UPRT: variants seen among roughly 807,000 people sequenced by gnomAD.
UPRT encodes RP11-311P8.3.
Under a neutral mutation model 22.6 loss-of-function variants are expected in UPRT, and 5 were observed. The observed-to-expected ratio is 0.22, with a 90% CI of 0.12 to 0.47. The LOEUF (loss-of-function observed/expected upper bound fraction) is 0.47, where lower values mean the gene tolerates loss of function less well. UPRT is among the 20% of genes least tolerant of loss of function. UPRT has a pLI of 0.99. For synonymous variants in UPRT, 77 were observed against 87.7 expected, an observed-to-expected ratio of 0.88 and a Z score of 0.68; for missense variants, 181 against 239.9, an observed-to-expected ratio of 0.75 and a Z score of 1.62.
chrX:75,158,673 TTC>T (rs769477774), intron 1 of UPRT, among the ~76,000 whole-genome samples: 5 of 112,001 alleles, frequency 4.5e-5, no homozygotes, highest in Non-Finnish European at 9.4e-5. Context: ...CACAGTGGTC[TTC>T]TGTTTCTAAA....
chrX:75,211,936 T>C (rs12394196), intron 4 of UPRT, among the ~76,000 whole-genome samples: 3,539 of 110,997 alleles, frequency 0.032, 148 homozygotes, highest in African/African-American at 0.11. Flanking sequence ...AATTCATAGG[T>C]CTGAGTGGGA....
upstream of UPRT, among the ~76,000 whole-genome samples, chrX:75,272,358 G>GTATATATA (rs1569279568): frequency 7.2e-3 from 616 of 85,527 alleles, 30 homozygotes; most frequent in African/African-American, 0.022. Context: ...ATATATATAT[G>GTATATATA]TGTATATATA....
At chrX:75,272,283 T>TAC (rs1569279340), upstream of UPRT, among the ~76,000 whole-genome samples, 5 of 73,755 alleles carry the variant, frequency 6.8e-5, no homozygotes, top group African/African-American at 4.4e-5. Context: ...TATATATATA[T>TAC]ATACACATAT....
chrX:75,272,317 T>C (rs866486235), upstream of UPRT, among the ~76,000 whole-genome samples: 41 of 30,497 alleles, frequency 1.3e-3, 2 homozygotes, highest in African/African-American at 3.0e-3. Context: ...TATGTGTATA[T>C]ATACATATAT....
chrX:75,225,708 G>T (rs368898963), intron 4 of UPRT, among the ~76,000 whole-genome samples: 2 of 111,831 alleles, frequency 1.8e-5, no homozygotes, highest in African/African-American at 6.5e-5. Context: ...AGTTATTCTG[G>T]AAAATGGGTT....
chrX:75,216,881 AGTAGCT>A (rs1021646201), intron 4 of UPRT, among the ~76,000 whole-genome samples: 6 of 111,540 alleles, frequency 5.4e-5, no homozygotes, highest in African/African-American at 2.0e-4. Context: ...CAGCCTCTTG[AGTAGCT>A]GGGACTACAG....
At chrX:75,248,347 T>C (rs1387833554) in intron 4 of UPRT, among the ~76,000 whole-genome samples, 1 of 109,843 alleles carries the variant, frequency 9.1e-6, no homozygotes, top group Non-Finnish European at 1.9e-5. Flanking sequence ...GAATAACCAG[T>C]GTAAAGAAGT....
At chrX:75,180,681 GTTTTTTTTTTTTTGTT>G (rs1384286075) in intron 4 of UPRT, among the ~76,000 whole-genome samples, 20 of 43,902 alleles carry the variant, frequency 4.6e-4, no homozygotes, top group Non-Finnish European at 6.1e-4. Context: ...CCTTTTCTCT[GTTTTTTTTTTTTTGTT>G]TTTTTTTTTT....
At chrX:75,218,369 A>C (rs1379235139) in intron 4 of UPRT, among the ~76,000 whole-genome samples, 7 of 109,051 alleles carry the variant, frequency 6.4e-5, no homozygotes, top group Middle Eastern at 4.3e-3. Flanking sequence ...AGTGGCAATC[A>C]TTAAAAAGTC....
chrX:75,246,831 A>G (rs1180454145), intron 4 of UPRT, among the ~76,000 whole-genome samples: 3 of 111,334 alleles, frequency 2.7e-5, no homozygotes, highest in Non-Finnish European at 5.6e-5. Flanking sequence ...TGTGGTTTTC[A>G]TTTGCATTTC....
rs201636672 is a variant in UPRT, at chrX:75,254,807, C to T, written c.-446-36217C>T. Among the ~76,000 whole-genome samples the T allele has an allele frequency of 2.2e-3, 192 of 88,524 alleles. 4 individuals are homozygous for T. The South Asian group carries it at 0.049, about 23-fold the overall frequency. 76.9% of individuals were successfully genotyped at this position (88,524 alleles called of 115,157 possible). A position where few individuals can be genotyped will look rare whatever the true frequency, so the allele number is the denominator to read the frequency against. ...TTTTTGAGACGGAGTCTCGCTCTGT[C>T]GCCCAGGCCAGACTGCGGACTGCAG... On this transcript the variant is annotated intron_variant, in intron 4 of 13. Coordinates refer to the UPRT transcript ENST00000652605.
Position 75,274,486 on chromosome X carries a change from G to T in UPRT, c.232G>T (p.Gly78Cys). ...ACGGSSLNSE[G>C]NSGSGDSSSY... ...CGGCGGCTCCAGCCTCAACTCAGAGGGCAACAGTGGTAGTGGTGACAGTAG... is the reference window on the plus strand; with the variant it reads ...CGGCGGCTCCAGCCTCAACTCAGAGTGCAACAGTGGTAGTGGTGACAGTAG... Residue 78 changes from glycine (G) to cysteine (C), a missense_variant, in exon 1 of 7, where the codon GGC (glycine) becomes TGC (cysteine). By Grantham distance (159) the Gly-to-Cys change is radical. This residue lies in a region of UPRT where 111 missense variants were observed against 102.8 expected (regional missense o/e 1.08). Transcript: ENST00000373383. The T allele has an allele frequency of 8.3e-7, 1 of 1,211,678 alleles. No homozygotes were observed. Among genetic ancestry groups the T allele is most frequent in the South Asian group, 1.8e-5 (1 of 56,928 alleles).
In UPRT at chrX:75,297,564, G is replaced by A. The variant is rs751532124; in HGVS notation, c.562+11G>A. 7 of 1,208,506 alleles carry A rather than the reference G, an allele frequency of 5.8e-6. No homozygotes were observed. The Admixed American group carries it at 8.7e-5, about 15-fold the overall frequency. ...GCATAATGAGAAGCGGTAGGTTCAC[G>A]TGTGTGTGATTTTTGTCTCTTTGTA... On this transcript the variant is annotated intron_variant, in intron 4 of 6. Transcript: ENST00000373383.
intron 4 of UPRT, among the ~76,000 whole-genome samples, chrX:75,218,373 A>C (rs2082399798): frequency 9.2e-6 from 1 of 108,618 alleles, no homozygotes; most frequent in African/African-American, 3.4e-5. Context: ...GCAATCATTA[A>C]AAAGTCAGGA....
intron 4 of UPRT, among the ~76,000 whole-genome samples, chrX:75,236,236 T>C (rs1181399398): frequency 9.0e-6 from 1 of 111,293 alleles, no homozygotes; most frequent in Non-Finnish European, 1.9e-5. Flanking sequence ...GAATCCAACT[T>C]ACAAGGGATG....
chrX:75,203,720 G>C (rs1265998937), intron 4 of UPRT, among the ~76,000 whole-genome samples: 1 of 111,283 alleles, frequency 9.0e-6, no homozygotes, highest in Non-Finnish European at 1.9e-5. Context: ...GTGTTCCCAT[G>C]ATGAGGCTGT....
At chrX:75,238,896 A>G (rs2082478982) in intron 4 of UPRT, among the ~76,000 whole-genome samples, 1 of 111,943 alleles carries the variant, frequency 8.9e-6, no homozygotes, top group Non-Finnish European at 1.9e-5. Flanking sequence ...ATGGAAATTA[A>G]AAAATCATTT....
At position 75,167,942 on chromosome X, in the gene UPRT, C is replaced by A. The variant is rs1014051620; in HGVS notation, c.-447+63C>A. Among the ~76,000 whole-genome samples the A allele has an allele frequency of 6.0e-4, 67 of 111,442 alleles. 2 individuals are homozygous for A. The highest frequency in any genetic ancestry group is 4.0e-4 in the Non-Finnish European group (21 of 53,094). On this transcript the variant is annotated intron_variant, in intron 4 of 13. Transcript: ENST00000652605. ...AGTGAGAGGTTGCCCTCCCACTGTC[C>A]CCCTCAATTCAAAGCTACGGGCTCA...
intron 4 of UPRT, among the ~76,000 whole-genome samples, chrX:75,226,625 A>T (rs1470517038): frequency 9.0e-6 from 1 of 111,101 alleles, no homozygotes; most frequent in Non-Finnish European, 1.9e-5. Flanking sequence ...TTGCATTCTT[A>T]TCTACTTCAG....
Sources: gnomAD v4.1 joint callset for allele counts (sites outside exome capture counted in the v4.1 genomes callset) on GRCh38, gnomAD v4.1.1 for gene constraint, gnomAD v4.1.1 regional missense constraint, MANE v1.5 for transcripts, NCBI Gene and HGNC (gene_info 2026-07-23, HGNC 2026-07-21) for gene names.